Variants in C5orf46 observed in about 807,000 individuals in gnomAD.
The protein encoded by C5orf46 is chromosome 5 open reading frame 46.
C5orf46 carries 9 observed loss-of-function variants against 8.9 expected under a neutral mutation model. The observed-to-expected ratio is 1.01, with a 90% CI of 0.61 to 1.76. C5orf46 has a LOEUF of 1.76. Ranked by LOEUF, C5orf46 falls within the 40% of genes most tolerant of loss-of-function variation. The pLI, the probability that C5orf46 is intolerant of heterozygous loss-of-function variation, is 0.00. For missense variants in C5orf46, 98 were observed against 107.8 expected (o/e 0.91, Z 0.40); for synonymous variants, 47 against 41.4 (o/e 1.14, Z -0.52).
At chr5:147,891,699 G>C (rs1757505223), downstream of C5orf46, among the ~76,000 whole-genome samples, 1 of 152,162 alleles carries the variant, frequency 6.6e-6, no homozygotes, top group African/African-American at 2.4e-5. Context: ...ACATTTGATG[G>C]GGAGAAGCAG....
chr5:147,886,428 C>A (rs1423898891), intron 2 of C5orf46: 1 of 151,282 alleles, frequency 6.6e-6, no homozygotes. Flanking sequence ...TTTTAAAGAT[C>A]ATCAGAATAT....
intron 1 of C5orf46, among the ~76,000 whole-genome samples, chr5:147,906,036 T>C (rs1457866935): frequency 6.6e-6 from 1 of 152,186 alleles, no homozygotes; most frequent in East Asian, 1.9e-4. Context: ...TTGAATAGCA[T>C]TCCTAAAGTC....
chr5:147,899,268 C>T (rs1290582475), intron 2 of C5orf46, among the ~76,000 whole-genome samples: 3 of 152,180 alleles, frequency 2.0e-5, no homozygotes, highest in Non-Finnish European at 4.4e-5. Flanking sequence ...AGAGCCTAGA[C>T]TATTCCTTCA....
chr5:147,894,265 T>A lies in C5orf46; in HGVS notation c.*10-1326A>T, dbSNP rs546265214. On this transcript the variant is annotated intron_variant, in intron 3 of 3. Coordinates refer to ENST00000318315, the MANE Select transcript of C5orf46 (RefSeq NM_206966.3). Reference sequence around the variant, plus strand: ...GAAAATTTATACTTAAAATATCAAATGACTTAAGACACAAAAAAAGATGAC... The same window carrying A: ...GAAAATTTATACTTAAAATATCAAAAGACTTAAGACACAAAAAAAGATGAC... Among the ~76,000 whole-genome samples, 14 of 152,302 alleles carry A rather than the reference T, an allele frequency of 9.2e-5. No individual in the cohort carries two copies. The South Asian group carries it at 2.9e-3, about 32-fold the overall frequency.
intron 1 of C5orf46, among the ~76,000 whole-genome samples, chr5:147,906,226 A>G (rs1757748958): frequency 6.6e-6 from 1 of 152,228 alleles, no homozygotes; most frequent in Non-Finnish European, 1.5e-5. Context: ...CAAACTTCAT[A>G]CATCCACTGA....
chr5:147,893,731 AG>A (rs370869598), intron 3 of C5orf46, among the ~76,000 whole-genome samples: 2,853 of 152,096 alleles, frequency 0.019, 30 homozygotes, highest in Middle Eastern at 0.044. Context: ...TAGTAGAGAC[AG>A]TGTTTCTCCA....
At chr5:147,887,033 G>A (rs530014175) in intron 2 of C5orf46, 1 of 152,126 alleles carries the variant, frequency 6.6e-6, no homozygotes, top group South Asian at 2.1e-4. Context: ...TAAGCTAGCT[G>A]TAAATCCCTT....
intron 1 of C5orf46, among the ~76,000 whole-genome samples, chr5:147,903,529 T>A (rs1757703931): frequency 6.6e-6 from 1 of 152,134 alleles, no homozygotes; most frequent in African/African-American, 2.4e-5. Context: ...CCAAATTATG[T>A]CAGAAACTTT....
At chr5:147,891,001 T>C (rs528478836), downstream of C5orf46, among the ~76,000 whole-genome samples, 4 of 152,288 alleles carry the variant, frequency 2.6e-5, no homozygotes, top group East Asian at 7.7e-4. Context: ...ACTTGAGTCA[T>C]GATAGAAAGT....
At chr5:147,903,914 A>G (rs115405567) in intron 1 of C5orf46, among the ~76,000 whole-genome samples, 2,936 of 152,072 alleles carry the variant, frequency 0.019, 83 homozygotes, top group African/African-American at 0.066. Flanking sequence ...CAGCTGGCTA[A>G]TTCTTGTATT....
chr5:147,895,241 C>G (rs565878370), intron 3 of C5orf46, among the ~76,000 whole-genome samples: 1 of 152,220 alleles, frequency 6.6e-6, no homozygotes, highest in South Asian at 2.1e-4. Flanking sequence ...GAGTTCAACA[C>G]CAGCCTGGGC....
chr5:147,892,271 C>T (rs1291924052), downstream of C5orf46, among the ~76,000 whole-genome samples: 1 of 152,148 alleles, frequency 6.6e-6, no homozygotes, highest in Non-Finnish European at 1.5e-5. Flanking sequence ...GCACGAAAGG[C>T]CTGCAACTAA....
intron 3 of C5orf46, among the ~76,000 whole-genome samples, chr5:147,895,697 G>T (rs145413462): frequency 6.6e-6 from 1 of 152,126 alleles, no homozygotes; most frequent in African/African-American, 2.4e-5. Context: ...ACCAGAAGCC[G>T]GAATGAAGGC....
intron 3 of C5orf46, among the ~76,000 whole-genome samples, chr5:147,893,490 T>C (rs1175153096): frequency 6.6e-6 from 1 of 151,908 alleles, no homozygotes; most frequent in Non-Finnish European, 1.5e-5. Context: ...TTCACAGTTT[T>C]AGCCAGAATG....
intron 1 of C5orf46, among the ~76,000 whole-genome samples, chr5:147,906,081 G>A (rs1270766353): frequency 1.3e-5 from 2 of 152,160 alleles, no homozygotes; most frequent in Non-Finnish European, 2.9e-5. Flanking sequence ...AGGTACAGGA[G>A]TTTTATTCCA....
intron 1 of C5orf46, 43 bp downstream of exon 1, chr5:147,906,389 C>T (rs1463761716): frequency 1.4e-6 from 2 of 1,384,118 alleles, no homozygotes; most frequent in Admixed American, 1.8e-5. Context: ...CTAGTCACTG[C>T]TAACTACTGA....
rs1355453558 is a variant in C5orf46 at position 147,901,757 on chromosome 5, C to T, written c.87G>A (p.Lys29=). ...LTCYADDKPD[K]PDDKPDDSGK... ...CCGAGTCGTCTGGCTTGTCGTCTGG[C>T]TTGTCTGGTTTGTCGTCTGAAAAAC... The change falls in exon 2 of 4, where the codon AAG becomes AAA. Residue 29 remains lysine, a synonymous_variant. Coordinates refer to ENST00000318315, the MANE Select transcript of C5orf46 (RefSeq NM_206966.3). 7 of 1,613,830 alleles carry T rather than the reference C, an allele frequency of 4.3e-6. No individual in the cohort carries two copies. Among genetic ancestry groups the T allele is most frequent in the Middle Eastern group, 1.6e-4 (1 of 6,062 alleles).
At chr5:147,905,857 C>T (rs1327281287) in intron 1 of C5orf46, among the ~76,000 whole-genome samples, 1 of 152,178 alleles carries the variant, frequency 6.6e-6, no homozygotes, top group African/African-American at 2.4e-5. Context: ...CATTGGATTA[C>T]TATGAGAACC....
chr5:147,897,746 C>CT (rs995583855), intron 2 of C5orf46, among the ~76,000 whole-genome samples: 8 of 152,144 alleles, frequency 5.3e-5, no homozygotes, highest in African/African-American at 1.2e-4. Flanking sequence ...GTGTCTATGA[C>CT]TTTTTTACAG....
Sources: allele counts gnomAD v4.1 joint callset (sites outside exome capture counted in the v4.1 genomes callset), GRCh38; gene constraint gnomAD v4.1.1; transcripts MANE v1.5; gene names NCBI Gene and HGNC (gene_info 2026-07-23, HGNC 2026-07-21).